The following ZFHX3 variants were observed in gnomAD, a reference collection of about 807,000 sequenced individuals.
ZFHX3 encodes zinc finger homeobox 3.
Under a neutral mutation model 279.1 loss-of-function variants are expected in ZFHX3, and 42 were observed. The ratio of observed to expected loss-of-function variants is 0.15; its 90% CI spans 0.12 to 0.19. The LOEUF (loss-of-function observed/expected upper bound fraction) is 0.19, where lower values mean the gene tolerates loss of function less well. Among genes scored for constraint, ZFHX3 ranks in the 10% least tolerant of loss-of-function variants. The pLI is 1.00. For synonymous variants in ZFHX3, 2,293 were observed against 1,957.8 expected (o/e 1.17, Z -4.52); for missense variants, 4,981 against 4,754.0 (o/e 1.05, Z -1.40).
intron 1 of ZFHX3, among the ~76,000 whole-genome samples, chr16:73,723,576 A>G (rs1434105713): frequency 6.6e-6 from 1 of 152,196 alleles, no homozygotes; most frequent in East Asian, 1.9e-4. Flanking sequence ...TGAGAAGGAT[A>G]TACACCAAAA....
intron 1 of ZFHX3, among the ~76,000 whole-genome samples, chr16:73,844,003 T>C (rs55878261): frequency 0.022 from 3,386 of 152,286 alleles, 121 homozygotes; most frequent in African/African-American, 0.077. Flanking sequence ...TGCCAGGCCA[T>C]ACAAAATTAG....
intron 4 of ZFHX3, among the ~76,000 whole-genome samples, chr16:72,837,023 T>G (rs887607343): frequency 2.6e-5 from 4 of 152,166 alleles, no homozygotes. Context: ...GCCCATTTGC[T>G]CTCTGCGTGT....
intron 3 of ZFHX3, among the ~76,000 whole-genome samples, chr16:72,909,014 G>A (rs1008657136): frequency 6.6e-6 from 1 of 152,192 alleles, no homozygotes; most frequent in Non-Finnish European, 1.5e-5. Flanking sequence ...GTACATTAGC[G>A]AGAAGCGGAT....
chr16:73,131,756 C>T (rs1307937710), intron 6 of ZFHX3, among the ~76,000 whole-genome samples: 2 of 152,172 alleles, frequency 1.3e-5, no homozygotes, highest in Admixed American at 1.3e-4. Flanking sequence ...GATCCGAGTC[C>T]TAAAACTAGG....
intron 5 of ZFHX3, among the ~76,000 whole-genome samples, chr16:73,241,209 T>C (rs1321218824): frequency 6.6e-6 from 1 of 152,240 alleles, no homozygotes; most frequent in Non-Finnish European, 1.5e-5. Context: ...TACATGATAG[T>C]CTGAAAAGTA....
chr16:72,849,070 G>A (rs924148752), intron 4 of ZFHX3, among the ~76,000 whole-genome samples: 3 of 152,086 alleles, frequency 2.0e-5, no homozygotes, highest in African/African-American at 7.2e-5. Context: ...ATGAAGCCCG[G>A]GGGTGGGGGA....
intron 2 of ZFHX3, among the ~76,000 whole-genome samples, chr16:73,586,765 C>G (rs1312466441): frequency 6.6e-6 from 1 of 152,096 alleles, no homozygotes; most frequent in Non-Finnish European, 1.5e-5. Flanking sequence ...AAACACAAAA[C>G]TAAAATTGAC....
intron 3 of ZFHX3, among the ~76,000 whole-genome samples, chr16:73,429,932 G>T (rs1480812249): frequency 6.6e-6 from 1 of 152,150 alleles, no homozygotes; most frequent in Non-Finnish European, 1.5e-5. Flanking sequence ...CTGTCGCCCA[G>T]GCTGGAGCGC....
intron 1 of ZFHX3, among the ~76,000 whole-genome samples, chr16:73,012,413 A>G (rs1567632031): frequency 2.0e-5 from 3 of 151,930 alleles, no homozygotes; most frequent in Admixed American, 1.3e-4. Context: ...TGGAATCACC[A>G]TTTTTTTTAT....
chr16:73,105,457 A>ATATTT (rs1555498948), intron 7 of ZFHX3, among the ~76,000 whole-genome samples: 27 of 120,492 alleles, frequency 2.2e-4, no homozygotes, highest in African/African-American at 6.6e-4. Context: ...ATATATATAT[A>ATATTT]TTTTTTCCCC....
At chr16:73,822,131 C>T (rs1004262607) in intron 1 of ZFHX3, among the ~76,000 whole-genome samples, 2 of 152,192 alleles carry the variant, frequency 1.3e-5, no homozygotes, top group East Asian at 1.9e-4. Flanking sequence ...TCACCAGAAT[C>T]GTCAAGCTGG....
chr16:73,274,117 C>T (rs761354840), intron 4 of ZFHX3, among the ~76,000 whole-genome samples: 6 of 152,112 alleles, frequency 3.9e-5, no homozygotes, highest in Non-Finnish European at 7.4e-5. Context: ...GCACTCCAGC[C>T]TGGGTAACTG....
intron 3 of ZFHX3, among the ~76,000 whole-genome samples, chr16:73,444,555 G>T (rs1179336268): frequency 6.6e-6 from 1 of 152,178 alleles, no homozygotes. Context: ...GACATATACA[G>T]CAGCCAAAAG....
intron 4 of ZFHX3, among the ~76,000 whole-genome samples, chr16:73,315,063 A>G (rs146768263): frequency 6.6e-6 from 1 of 152,266 alleles, no homozygotes; most frequent in African/African-American, 2.4e-5. Context: ...CCCTGTCTCT[A>G]CTAAAAATAC....
chr16:73,664,549 A>G (rs2052816245), intron 2 of ZFHX3, among the ~76,000 whole-genome samples: 1 of 152,182 alleles, frequency 6.6e-6, no homozygotes, highest in South Asian at 2.1e-4. Context: ...ACAAATAGTC[A>G]CCAATATATA....
At chr16:73,323,586 G>C (rs1226055515) in intron 3 of ZFHX3, among the ~76,000 whole-genome samples, 1 of 152,144 alleles carries the variant, frequency 6.6e-6, no homozygotes, top group Non-Finnish European at 1.5e-5. Context: ...AAGAGATGCA[G>C]GTTAATAATT....
rs531602255 is a variant in ZFHX3 at position 73,574,732 on chromosome 16, C to T, written c.-1547+105448G>A. Among the ~76,000 whole-genome samples, 9 of 152,270 alleles carry T rather than the reference C, an allele frequency of 5.9e-5. No homozygotes were observed. The South Asian group carries it at 1.7e-3, about 28-fold the overall frequency. ...ATCTTAGTCTGAGAGTCAAGGTCCT[C>T]GGTCAAGAGCCACCTCCTTGAACTA... is the stretch of plus-strand genomic sequence containing the variant. On this transcript the variant is annotated intron_variant, in intron 2 of 17. Coordinates refer to the ZFHX3 transcript ENST00000641206.
At chr16:72,882,392 A>G (rs1323844237) in intron 4 of ZFHX3, among the ~76,000 whole-genome samples, 1 of 152,142 alleles carries the variant, frequency 6.6e-6, no homozygotes, top group Non-Finnish European at 1.5e-5. Flanking sequence ...AACACGCACA[A>G]AACCCTGGTA....
intron 3 of ZFHX3, among the ~76,000 whole-genome samples, chr16:73,449,971 A>G (rs2018255371): frequency 6.6e-6 from 1 of 152,214 alleles, no homozygotes; most frequent in Admixed American, 6.5e-5. Context: ...ATGTCTACCC[A>G]TTAAATGCAA....
Sources: allele counts gnomAD v4.1 joint callset (sites outside exome capture counted in the v4.1 genomes callset), GRCh38; gene constraint gnomAD v4.1.1; transcripts MANE v1.5; gene names NCBI Gene and HGNC (gene_info 2026-07-23, HGNC 2026-07-21).